The following CDH13 variants were observed in gnomAD, a reference collection of about 807,000 sequenced individuals.
CDH13 encodes the protein cadherin 13.
A neutral mutation model predicts 63.8 loss-of-function variants in CDH13; 24 were observed. The ratio of observed to expected loss-of-function variants is 0.38; its 90% CI spans 0.27 to 0.53. CDH13 has a LOEUF of 0.53. Ranked by LOEUF, CDH13 falls within the 20% of genes least tolerant of loss-of-function variation. The probability of loss-of-function intolerance (pLI) is 0.85; values close to 1 mark genes in which losing one functional copy is unlikely to be tolerated. For synonymous variants in CDH13, 503 were observed against 355.3 expected (o/e 1.42, Z -4.67); for missense variants, 1,049 against 903.1 (o/e 1.16, Z -2.07).
chr16:83,622,524 C>T (rs2150779874), intron 8 of CDH13, among the ~76,000 whole-genome samples: 1 of 152,300 alleles, frequency 6.6e-6, no homozygotes, highest in Middle Eastern at 3.4e-3. Context: ...ACTTTAAAAT[C>T]TTCCTGCATC....
intron 6 of CDH13, among the ~76,000 whole-genome samples, chr16:83,405,919 A>G (rs1217523666): frequency 1.3e-5 from 2 of 152,218 alleles, no homozygotes; most frequent in Admixed American, 6.5e-5. Context: ...ACACAGTTCA[A>G]AGTTAGAACA....
chr16:83,634,322 C>G (rs1351105327), intron 8 of CDH13, among the ~76,000 whole-genome samples: 1 of 152,084 alleles, frequency 6.6e-6, no homozygotes, highest in Non-Finnish European at 1.5e-5. Context: ...CAATTATTAA[C>G]CTGTTCTCCA....
chr16:83,140,092 A>G (rs2036464218), intron 4 of CDH13, among the ~76,000 whole-genome samples: 2 of 152,228 alleles, frequency 1.3e-5, no homozygotes, highest in South Asian at 2.1e-4. Context: ...AAGTGCGTAT[A>G]CATTCATAAA....
At chr16:83,130,513 A>G (rs151144475) in intron 4 of CDH13, among the ~76,000 whole-genome samples, 1 of 152,226 alleles carries the variant, frequency 6.6e-6, no homozygotes, top group African/African-American at 2.4e-5. Flanking sequence ...TAAGGTGGAC[A>G]GAGGGTTGGA....
intron 10 of CDH13, among the ~76,000 whole-genome samples, chr16:83,689,671 A>G (rs1904649497): frequency 1.3e-5 from 2 of 152,178 alleles, no homozygotes; most frequent in South Asian, 2.1e-4. Context: ...ATGCATTCCA[A>G]TAGCGTTGGC....
chr16:83,119,497 G>C (rs974082193), intron 3 of CDH13, among the ~76,000 whole-genome samples: 9 of 152,284 alleles, frequency 5.9e-5, no homozygotes, highest in Admixed American at 3.9e-4. Context: ...GGCAACACCA[G>C]AAGTCAAGAG....
chr16:83,417,496 C>T (rs1448879674), intron 6 of CDH13, among the ~76,000 whole-genome samples: 1 of 152,186 alleles, frequency 6.6e-6, no homozygotes, highest in East Asian at 1.9e-4. Context: ...TGCCTTCTTG[C>T]CTTCTTGCCT....
chr16:83,357,644 C>T (rs938987240), intron 6 of CDH13, among the ~76,000 whole-genome samples: 2 of 152,132 alleles, frequency 1.3e-5, no homozygotes, highest in African/African-American at 2.4e-5. Flanking sequence ...TCGAGCGGGC[C>T]AAGGTCAAGG....
At chr16:82,975,324 G>C (rs537488382) in intron 2 of CDH13, among the ~76,000 whole-genome samples, 1 of 152,300 alleles carries the variant, frequency 6.6e-6, no homozygotes, top group South Asian at 2.1e-4. Context: ...AGGACACAGG[G>C]CTGTGTGGAC....
chr16:83,643,207 G>A (rs1280308964), intron 8 of CDH13, among the ~76,000 whole-genome samples: 2 of 66,530 alleles, frequency 3.0e-5, no homozygotes, highest in African/African-American at 1.4e-4. Flanking sequence ...TGGGTGCAGC[G>A]CACCAGCATG....
chr16:82,826,425 A>T (rs1887399769), intron 1 of CDH13: 1 of 152,228 alleles, frequency 6.6e-6, no homozygotes, highest in Admixed American at 6.5e-5. Flanking sequence ...TATCGAATTC[A>T]ATCCCAAACT....
In CDH13 at chr16:83,047,674, C is replaced by A. The variant is rs750393768; in HGVS notation, c.366+15456C>A. ...TTCGTTGCTATAAATCTAGCACTTA[C>A]AATATCTGGCTGTGAATAAATAATT... On this transcript the variant is annotated intron_variant, in intron 3 of 13. Coordinates refer to ENST00000567109, the MANE Select transcript of CDH13 (RefSeq NM_001257.5). The surrounding 1 kb of genome is among the most constrained non-coding windows in gnomAD (Gnocchi z 4.9). Among the ~76,000 whole-genome samples, 1 of 152,188 alleles carries A rather than the reference C, an allele frequency of 6.6e-6. No individual in the cohort carries two copies. The highest frequency in any genetic ancestry group is 6.5e-5 in the Admixed American group (1 of 15,280).
intron 5 of CDH13, among the ~76,000 whole-genome samples, chr16:83,266,579 A>T (rs1041244524): frequency 6.6e-6 from 1 of 152,158 alleles, no homozygotes; most frequent in Non-Finnish European, 1.5e-5. Flanking sequence ...TGCTGGCATC[A>T]TCTCCCCTCT....
At chr16:83,610,880 A>G (rs1045548960) in intron 8 of CDH13, among the ~76,000 whole-genome samples, 2 of 152,318 alleles carry the variant, frequency 1.3e-5, no homozygotes, top group East Asian at 3.9e-4. Flanking sequence ...ATTCCACCAG[A>G]GTAGTTAACT....
At chr16:83,679,796 T>C (rs1467148680) in intron 10 of CDH13, among the ~76,000 whole-genome samples, 1 of 152,152 alleles carries the variant, frequency 6.6e-6, no homozygotes, top group Non-Finnish European at 1.5e-5. Context: ...ATTTCTACAA[T>C]TGGAGGTGAA....
intron 6 of CDH13, among the ~76,000 whole-genome samples, chr16:83,473,580 A>G (rs28652853): frequency 0.025 from 3,818 of 152,270 alleles, 163 homozygotes; most frequent in African/African-American, 0.086. Flanking sequence ...ACTCAAGGAT[A>G]TAGGTCCTAT....
intron 7 of CDH13, among the ~76,000 whole-genome samples, chr16:83,500,133 G>T (rs2074236944): frequency 6.6e-6 from 1 of 151,442 alleles, no homozygotes. Flanking sequence ...AAAAGCAGTT[G>T]TATCAGTGGT....
chr16:83,606,759 C>G (rs557346572), intron 8 of CDH13, among the ~76,000 whole-genome samples: 25 of 150,878 alleles, frequency 1.7e-4, no homozygotes, highest in Non-Finnish European at 1.0e-4. Context: ...GGTAGACAGA[C>G]CCAGGCCAGT....
chr16:83,399,811 G>A lies in CDH13; in HGVS notation c.781+54805G>A, dbSNP rs867155938. Among the ~76,000 whole-genome samples the A allele has an allele frequency of 3.6e-4, 55 of 152,174 alleles. 2 individuals are homozygous for A. In the South Asian group the frequency reaches 4.8e-3, roughly 13 times the overall value. ...TGTCCTCACCATTTTACCCCCCGCC[G>A]CATTTAGCACAGTGCCTCACACAAG... On this transcript the variant is annotated intron_variant, in intron 6 of 13. Transcript: ENST00000567109.
Sources: gnomAD v4.1 joint callset for allele counts (sites outside exome capture counted in the v4.1 genomes callset) on GRCh38, gnomAD v4.1.1 for gene constraint, Gnocchi (gnomAD v3.1) non-coding constraint, MANE v1.5 for transcripts, NCBI Gene and HGNC (gene_info 2026-07-23, HGNC 2026-07-21) for gene names.